Variants in FBXL17 observed in about 807,000 individuals in gnomAD.
FBXL17 encodes F-box and leucine rich repeat protein 17.
Under a neutral mutation model 66.2 loss-of-function variants are expected in FBXL17, and 22 were observed. The observed-to-expected ratio is 0.33, with a 90% CI of 0.24 to 0.47. The LOEUF (loss-of-function observed/expected upper bound fraction) is 0.47. Ranked by LOEUF, FBXL17 falls within the 20% of genes least tolerant of loss-of-function variation. The pLI is 1.00. For synonymous variants in FBXL17, 474 were observed against 400.5 expected (o/e 1.18, Z -2.19); for missense variants, 878 against 948.2 (o/e 0.93, Z 0.97).
chr5:108,009,310 C>CACACAT (rs1754090277), intron 7 of FBXL17, among the ~76,000 whole-genome samples: 1 of 51,400 alleles, frequency 1.9e-5, no homozygotes, highest in African/African-American at 7.8e-5. Context: ...TACATATATA[C>CACACAT]ATACACATAT....
intron 7 of FBXL17, among the ~76,000 whole-genome samples, chr5:107,913,567 G>A (rs1306982295): frequency 6.6e-6 from 1 of 151,986 alleles, no homozygotes; most frequent in African/African-American, 2.4e-5. Context: ...AAGATTTAGA[G>A]CTCCCCTGAG....
At chr5:107,988,977 G>C (rs1313212982) in intron 7 of FBXL17, among the ~76,000 whole-genome samples, 4 of 151,868 alleles carry the variant, frequency 2.6e-5, no homozygotes, top group African/African-American at 4.8e-5. Flanking sequence ...TGCCCATGGG[G>C]ATGTCTTCAT....
Position 107,908,937 on chromosome 5 carries a change from C to G in FBXL17, c.1823-27758G>C, listed in dbSNP as rs373672295. Among the ~76,000 whole-genome samples the G allele has an allele frequency of 9.0e-4, 137 of 152,288 alleles. 1 individual carries two copies. The highest frequency in any genetic ancestry group is 3.2e-3 in the African/African-American group (134 of 41,568). ...TGAACTCCTTCTGAAATGGTTCTAT[C>G]TGCCGTTGTCAGTGCACACCTTTGC... On this transcript the variant is annotated intron_variant, in intron 7 of 8. Transcript: ENST00000542267.
intron 4 of FBXL17, among the ~76,000 whole-genome samples, chr5:108,262,270 G>A (rs1268312889): frequency 2.0e-5 from 3 of 151,082 alleles, no homozygotes; most frequent in Non-Finnish European, 3.0e-5. Flanking sequence ...GTAGAGGCGG[G>A]GTTTCACCAT....
At chr5:108,293,781 C>T (rs1758220034) in intron 4 of FBXL17, among the ~76,000 whole-genome samples, 1 of 151,994 alleles carries the variant, frequency 6.6e-6, no homozygotes, top group Non-Finnish European at 1.5e-5. Flanking sequence ...TGGTTCATGC[C>T]TGTAATCCCA....
rs192710794 is a variant in FBXL17, at chr5:108,010,400, T to C, written c.1822+10525A>G. Among the ~76,000 whole-genome samples, 92 of 152,208 alleles carry C rather than the reference T, an allele frequency of 6.0e-4. No homozygotes were observed. The Middle Eastern group carries it at 0.01, about 17-fold the overall frequency. Reference sequence around the variant, plus strand: ...AAAATGTGTCTGGGGATTAAGTGAGTATTGGGTACAAGAAACTACAAGCTT... The same window carrying C: ...AAAATGTGTCTGGGGATTAAGTGAGCATTGGGTACAAGAAACTACAAGCTT... On this transcript the variant is annotated intron_variant, in intron 7 of 8. Coordinates refer to ENST00000542267, the MANE Select transcript of FBXL17 (RefSeq NM_001163315.3).
chr5:108,336,758 C>T (rs779249662), intron 4 of FBXL17, among the ~76,000 whole-genome samples: 15 of 152,048 alleles, frequency 9.9e-5, no homozygotes, highest in African/African-American at 3.6e-4. Flanking sequence ...ACTATCATTG[C>T]CATTCTTCTT....
At chr5:108,035,417 AGTG>A (rs1197030734) in intron 6 of FBXL17, among the ~76,000 whole-genome samples, 7 of 151,906 alleles carry the variant, frequency 4.6e-5, no homozygotes, top group African/African-American at 1.7e-4. Context: ...CCCAGGCTGG[AGTG>A]CAATGGCGTG....
chr5:108,318,457 C>G (rs944232573), intron 4 of FBXL17, among the ~76,000 whole-genome samples: 3 of 151,464 alleles, frequency 2.0e-5, no homozygotes, highest in Non-Finnish European at 4.4e-5. Flanking sequence ...AACATGTATA[C>G]AGGAAAAAAA....
chr5:108,108,390 T>G (rs1481199670), intron 6 of FBXL17, among the ~76,000 whole-genome samples: 2 of 152,200 alleles, frequency 1.3e-5, no homozygotes, highest in South Asian at 4.1e-4. Flanking sequence ...AACAATCAGA[T>G]GAACCTTAAT....
chr5:107,928,474 C>T (rs545440208), intron 7 of FBXL17, among the ~76,000 whole-genome samples: 1 of 151,656 alleles, frequency 6.6e-6, no homozygotes, highest in Admixed American at 6.6e-5. Flanking sequence ...TCCCTAGTTA[C>T]TCTTTTTGAA....
intron 4 of FBXL17, among the ~76,000 whole-genome samples, chr5:108,332,016 T>C (rs563013806): frequency 1.3e-5 from 2 of 152,276 alleles, no homozygotes; most frequent in South Asian, 4.1e-4. Flanking sequence ...ATGACCTCCT[T>C]AGAAACTTAT....
intron 7 of FBXL17, among the ~76,000 whole-genome samples, chr5:108,014,306 A>G (rs1754296745): frequency 6.6e-6 from 1 of 152,248 alleles, no homozygotes; most frequent in African/African-American, 2.4e-5. Context: ...TTTATTATTT[A>G]GCTTAAAAAC....
In FBXL17 at chr5:107,935,946, A is replaced by C. The variant is rs1017615123; in HGVS notation, c.1823-54767T>G. On this transcript the variant is annotated intron_variant, in intron 7 of 8. Coordinates refer to ENST00000542267, the MANE Select transcript of FBXL17 (RefSeq NM_001163315.3). ...AGCTCAAGAAATCCTGGAGAATCTG[A>C]GTGGGGCTGTAGGGTCAAGTACACA... Among the ~76,000 whole-genome samples, 8 of 152,134 alleles carry C rather than the reference A, an allele frequency of 5.3e-5. No homozygotes were observed. The South Asian group carries it at 1.7e-3, about 32-fold the overall frequency.
intron 1 of FBXL17, 24 bp downstream of exon 1, chr5:108,380,675 C>A: frequency 8.0e-7 from 1 of 1,245,730 alleles, no homozygotes; most frequent in South Asian, 4.1e-5. Context: ...AGCGAGCATC[C>A]CTGCGCCTCT....
intron 6 of FBXL17, among the ~76,000 whole-genome samples, chr5:108,126,670 T>C (rs1180927706): frequency 3.4e-5 from 5 of 145,816 alleles, no homozygotes; most frequent in African/African-American, 1.2e-4. Flanking sequence ...TATACATATA[T>C]ATATATATAT....
chr5:108,074,162 G>A (rs1748452481), intron 6 of FBXL17, among the ~76,000 whole-genome samples: 1 of 152,162 alleles, frequency 6.6e-6, no homozygotes, highest in African/African-American at 2.4e-5. Context: ...ATTAATATGA[G>A]CGGTCCATTT....
intron 4 of FBXL17, among the ~76,000 whole-genome samples, chr5:108,300,159 A>T (rs564014801): frequency 1.3e-5 from 2 of 152,032 alleles, no homozygotes; most frequent in African/African-American, 4.8e-5. Context: ...AAACTTTTAG[A>T]AACTTAAAAA....
chr5:108,298,469 T>C (rs564015041), intron 4 of FBXL17: 44 of 971,010 alleles, frequency 4.5e-5, no homozygotes, highest in Admixed American at 1.9e-4. Context: ...TAAATTTTAC[T>C]GAAAGCATCT....
Sources: gnomAD v4.1 joint callset for allele counts (sites outside exome capture counted in the v4.1 genomes callset) on GRCh38, gnomAD v4.1.1 for gene constraint, MANE v1.5 for transcripts, NCBI Gene and HGNC (gene_info 2026-07-23, HGNC 2026-07-21) for gene names.